NFKB1: variants seen among roughly 807,000 people sequenced by gnomAD.
NFKB1 encodes nuclear factor kappa B subunit 1, also known as nuclear factor NF-kappa-B p105 subunit.
NFKB1 carries 9 observed loss-of-function variants against 105.1 expected under a neutral mutation model. That is an observed-to-expected ratio of 0.09 (90% CI 0.05 to 0.15). The LOEUF (loss-of-function observed/expected upper bound fraction) is 0.15. NFKB1 is among the 10% of genes least tolerant of loss of function. The pLI is 1.00. For synonymous variants in NFKB1, 440 were observed against 442.2 expected (o/e 1.00, Z 0.06); for missense variants, 830 against 1,203.7 (o/e 0.69, Z 4.59).
At chr4:102,502,956 AGAATCCCACAACT>A (rs1739186533) in intron 1 of NFKB1, among the ~76,000 whole-genome samples, 1 of 152,188 alleles carries the variant, frequency 6.6e-6, no homozygotes, top group South Asian at 2.1e-4. Context: ...TTTTTCTAGC[AGAATCCCACAACT>A]GAATATTGTC....
intron 5 of NFKB1, among the ~76,000 whole-genome samples, chr4:102,551,964 G>A (rs1722654544): frequency 6.6e-6 from 1 of 152,180 alleles, no homozygotes; most frequent in Admixed American, 6.5e-5. Context: ...CATGCAAAGA[G>A]ATCTAGGAGT....
intron 1 of NFKB1, among the ~76,000 whole-genome samples, chr4:102,515,107 A>ATTATTT (rs771359850): frequency 1.0e-4 from 10 of 95,656 alleles, no homozygotes; most frequent in Admixed American, 1.4e-4. Flanking sequence ...TATTATTATT[A>ATTATTT]TTTTTTTTTT....
At chr4:102,572,993 G>A (rs1314756131) in intron 6 of NFKB1, among the ~76,000 whole-genome samples, 1 of 152,062 alleles carries the variant, frequency 6.6e-6, no homozygotes, top group African/African-American at 2.4e-5. Context: ...GTTTTTCAAA[G>A]ATATTTTGAA....
At chr4:102,569,108 A>G (rs4648019) in intron 6 of NFKB1, among the ~76,000 whole-genome samples, 1 of 152,110 alleles carries the variant, frequency 6.6e-6, no homozygotes, top group Admixed American at 6.6e-5. Context: ...TTCCCAAAAT[A>G]CACTATTTCT....
chr4:102,579,134 T>G, intron 8 of NFKB1, 95 bp downstream of exon 8: 1 of 1,271,642 alleles, frequency 7.9e-7, no homozygotes, highest in South Asian at 1.4e-5. Flanking sequence ...GGAAGGTAAC[T>G]TAATCACTTT....
intron 6 of NFKB1, among the ~76,000 whole-genome samples, chr4:102,575,851 C>T (rs756349691): frequency 6.6e-5 from 10 of 152,138 alleles, no homozygotes; most frequent in Non-Finnish European, 1.2e-4. Flanking sequence ...GTTTCTTCTC[C>T]GTTGTCACAC....
chr4:102,525,379 T>C (rs1196266627), intron 1 of NFKB1, 133 bp from the exon 2 acceptor site: 2 of 725,556 alleles, frequency 2.8e-6, no homozygotes, highest in East Asian at 5.6e-5. Context: ...CCTCCTCCTA[T>C]GGTCTTCAAA....
chr4:102,586,579 A>G (rs890952468), intron 11 of NFKB1, among the ~76,000 whole-genome samples: 1 of 152,198 alleles, frequency 6.6e-6, no homozygotes, highest in African/African-American at 2.4e-5. Context: ...TGACCCCCAA[A>G]GAGTCTGTGG....
chr4:102,548,293 G>C (rs1367001831), intron 5 of NFKB1, among the ~76,000 whole-genome samples: 1 of 152,104 alleles, frequency 6.6e-6, no homozygotes, highest in Non-Finnish European at 1.5e-5. Context: ...AGTCACTGTG[G>C]CATATCTGCA....
intron 5 of NFKB1, among the ~76,000 whole-genome samples, chr4:102,548,704 G>T (rs550507172): frequency 6.6e-6 from 1 of 152,238 alleles, no homozygotes; most frequent in South Asian, 2.1e-4. Context: ...TTCCTTGCCT[G>T]TTTCTAGCTT....
chr4:102,605,335 A>C (rs147907505), intron 16 of NFKB1, among the ~76,000 whole-genome samples: 39 of 152,336 alleles, frequency 2.6e-4, no homozygotes, highest in African/African-American at 7.5e-4. Context: ...TGAGATTTAG[A>C]CTACCCTCCC....
intron 6 of NFKB1, among the ~76,000 whole-genome samples, chr4:102,570,593 G>A (rs2149172996): frequency 6.6e-6 from 1 of 152,194 alleles, no homozygotes. Context: ...TGGGATTGCT[G>A]GGTCAAATGG....
chr4:102,593,425 A>G lies in NFKB1; in HGVS notation c.1067A>G (p.Asp356Gly). 1 of 1,611,252 alleles carries G rather than the reference A, an allele frequency of 6.2e-7. No homozygotes were observed. Among genetic ancestry groups the G allele is most frequent in the East Asian group, 2.2e-5 (1 of 44,804 alleles). ...CTGGTTTCTCTTCCTTTAAATACAG[A>G]TAAAGAAGAAGTGCAGAGGAAACGT... ...KPFLYYPEIKDKEEVQRKRQK... is the reference protein window; with the variant it reads ...KPFLYYPEIKGKEEVQRKRQK... The change falls in exon 12 of 24, where the codon GAT (aspartate) becomes GGT (glycine). Residue 356 changes from aspartate to glycine, a missense_variant and splice_region_variant. By Grantham distance (94) the Asp-to-Gly change is moderately conservative. Around this residue, in one of 8 missense-constraint regions of NFKB1, gnomAD observed 42 missense variants for 145.7 expected, o/e 0.29. Coordinates refer to ENST00000226574, the MANE Select transcript of NFKB1 (RefSeq NM_003998.4).
At chr4:102,515,354 C>T (rs1404360929) in intron 1 of NFKB1, among the ~76,000 whole-genome samples, 2 of 151,764 alleles carry the variant, frequency 1.3e-5, no homozygotes, top group African/African-American at 4.8e-5. Context: ...TCGTGATCCG[C>T]CCGCCTCGGC....
chr4:102,502,388 G>GCACACACACA (rs1302710749), intron 1 of NFKB1, among the ~76,000 whole-genome samples: 2 of 96,802 alleles, frequency 2.1e-5, no homozygotes, highest in African/African-American at 1.4e-4. Context: ...GCGCGCGCGC[G>GCACACACACA]CGCACACACA....
At chr4:102,580,979 T>A (rs1578790988) in intron 9 of NFKB1, among the ~76,000 whole-genome samples, 1 of 152,188 alleles carries the variant, frequency 6.6e-6, no homozygotes, top group African/African-American at 2.4e-5. Flanking sequence ...TTGACACACA[T>A]ACAAACACAC....
rs112320048 is a variant in NFKB1, at chr4:102,535,897, GT to G, written c.160-1949del. Among the ~76,000 whole-genome samples, 565 of 142,096 alleles carry G rather than the reference GT, an allele frequency of 4.0e-3. 3 individuals carry two copies. The highest frequency in any genetic ancestry group is 0.013 in the African/African-American group (492 of 39,292). The allele number at this position is 142,096 out of a possible 152,430, so 93.2% of individuals were successfully genotyped here. A position where few individuals can be genotyped will look rare whatever the true frequency, so the allele number is the denominator to read the frequency against. On this transcript the variant is annotated intron_variant, in intron 4 of 23. Transcript: ENST00000226574. The stretch of plus-strand genomic sequence containing the variant: ...TGTGTGTGGTTTTGGGGTTTTTTTT[GT>G]TTTTTTTTTTTAAGTTAGAAAAAGA...
chr4:102,517,715 T>C (rs1740289828), intron 1 of NFKB1, among the ~76,000 whole-genome samples: 1 of 152,158 alleles, frequency 6.6e-6, no homozygotes, highest in Admixed American at 6.5e-5. Context: ...TGGATTTAAC[T>C]AGAGCCTTGA....
chr4:102,520,788 T>A (rs1349842805), intron 1 of NFKB1, among the ~76,000 whole-genome samples: 1 of 152,216 alleles, frequency 6.6e-6, no homozygotes, highest in East Asian at 1.9e-4. Context: ...AATTTTTCTA[T>A]TGTATTTCTT....
Sources: allele counts gnomAD v4.1 joint callset (sites outside exome capture counted in the v4.1 genomes callset), GRCh38; gene constraint gnomAD v4.1.1; regional missense constraint gnomAD v4.1.1; transcripts MANE v1.5; gene names NCBI Gene and HGNC (gene_info 2026-07-23, HGNC 2026-07-21).